The following ENTPD1 variants were observed in gnomAD, a reference collection of about 807,000 sequenced individuals.
The protein encoded by ENTPD1 is ectonucleoside triphosphate diphosphohydrolase 1, also known as ATP diphosphohydrolase.
In ENTPD1, 33 loss-of-function variants were observed where a neutral mutation model predicts 57.0. The ratio of observed to expected loss-of-function variants is 0.58; its 90% CI spans 0.44 to 0.77. The LOEUF is 0.77. Among genes scored for constraint, ENTPD1 ranks in the 30% least tolerant of loss-of-function variants. The probability of loss-of-function intolerance (pLI) is 0.00; values close to 1 mark genes in which losing one functional copy is unlikely to be tolerated. For missense variants in ENTPD1, 501 were observed against 603.4 expected (o/e 0.83, Z 1.78); for synonymous variants, 202 against 218.8 (o/e 0.92, Z 0.68).
rs1329943908 is a variant in ENTPD1, at chr10:95,756,194, G to GC, written c.-46_-45insC. On this transcript the variant is annotated 5_prime_UTR_variant, in exon 1 of 10. Transcript: ENST00000371205. ...ACGGACCACAGCAAGCAGAGGCTGG[G>GC]GGGGGGAAAGACGAGGAAAGAGGAG... The GC allele has an allele frequency of 1.9e-6, 3 of 1,580,040 alleles. No homozygotes were observed. The highest frequency in any genetic ancestry group is 2.6e-6 in the Non-Finnish European group (3 of 1,162,432).
Position 95,791,737 on chromosome 10 carries a change from G to C in ENTPD1, c.17-31500G>C, listed in dbSNP as rs1464819705. ...GTACATTAGAATCACCCGGCTGGGG[G>C]TAGAGGTGTTAAAAGTGAACAGTGC... is the stretch of plus-strand genomic sequence containing the variant. On this transcript the variant is annotated intron_variant, in intron 1 of 9. Coordinates refer to ENST00000371205, the MANE Select transcript of ENTPD1 (RefSeq NM_001776.6). The surrounding 1 kb of genome is among the most constrained non-coding windows in gnomAD (Gnocchi z 4.1). 1.1e-4 allele frequency among the ~76,000 whole-genome samples: 16 copies of C among 152,190 alleles called. No individual in the cohort carries two copies. Among genetic ancestry groups the C allele is most frequent in the Admixed American group, 1.0e-3 (16 of 15,268 alleles).
At chr10:95,863,910 TC>T (rs1406473793) in intron 8 of ENTPD1, among the ~76,000 whole-genome samples, 7 of 152,002 alleles carry the variant, frequency 4.6e-5, no homozygotes, top group Non-Finnish European at 1.5e-5. Context: ...ACTAGAGAGG[TC>T]CTGGCCTGTT....
intron 1 of ENTPD1, among the ~76,000 whole-genome samples, chr10:95,761,392 A>G (rs1363511264): frequency 6.6e-6 from 1 of 152,198 alleles, no homozygotes; most frequent in Admixed American, 6.5e-5. Flanking sequence ...ATTTCTAACA[A>G]GTTCCCAGGC....
Position 95,876,199 on chromosome 10 carries a change from T to C in ENTPD1, c.*9816T>C. On this transcript the variant is annotated 3_prime_UTR_variant, in exon 10 of 10. Transcript: ENST00000371205. ...TTGTCAGTTTTCTTAGGTATATTTA[T>C]AAATACTCCTATAAAAATGTAAAGA... 2.0e-6 allele frequency: 2 copies of C among 980,262 alleles called. No homozygotes were observed. Among genetic ancestry groups the C allele is most frequent in the Non-Finnish European group, 2.4e-6 (2 of 825,210 alleles). The allele number at this position is 980,262 out of a possible 1,614,324, so 60.7% of individuals were successfully genotyped here. A position where few individuals can be genotyped will look rare whatever the true frequency, so the allele number is the denominator to read the frequency against.
At chr10:95,839,910 G>C (rs1360069735) in intron 3 of ENTPD1, 102 bp downstream of exon 3, 1 of 1,155,330 alleles carries the variant, frequency 8.7e-7, no homozygotes. Flanking sequence ...CCCACGCATA[G>C]GAAGCCAAGT....
At chr10:95,859,613 AG>A (rs1450499523) in intron 7 of ENTPD1, among the ~76,000 whole-genome samples, 2 of 152,226 alleles carry the variant, frequency 1.3e-5, no homozygotes, top group African/African-American at 4.8e-5. Context: ...GGTAGGAAAG[AG>A]GAAAAGCACT....
intron 7 of ENTPD1, among the ~76,000 whole-genome samples, chr10:95,852,894 G>C (rs1316329769): frequency 6.6e-6 from 1 of 152,168 alleles, no homozygotes; most frequent in Non-Finnish European, 1.5e-5. Flanking sequence ...TTTTGGCTTA[G>C]GATTGACTTG....
intron 2 of ENTPD1, among the ~76,000 whole-genome samples, chr10:95,827,632 C>T (rs910362182): frequency 3.3e-5 from 5 of 152,020 alleles, no homozygotes; most frequent in Admixed American, 2.6e-4. Flanking sequence ...ACTACAGGCA[C>T]GTGCCACCAT....
chr10:95,838,136 TC>T (rs936716001), intron 2 of ENTPD1, among the ~76,000 whole-genome samples: 2 of 152,224 alleles, frequency 1.3e-5, no homozygotes, highest in African/African-American at 4.8e-5. Flanking sequence ...CCTCTATGTT[TC>T]TTCTCTAAGG....
intron 9 of ENTPD1, among the ~76,000 whole-genome samples, chr10:95,865,145 AAAGT>A (rs1324765899): frequency 6.6e-6 from 1 of 152,234 alleles, no homozygotes; most frequent in Non-Finnish European, 1.5e-5. Context: ...GAGATATATT[AAAGT>A]AACAGCATTT....
chr10:95,763,095 T>C (rs1342569459), intron 1 of ENTPD1, among the ~76,000 whole-genome samples: 3 of 152,066 alleles, frequency 2.0e-5, no homozygotes, highest in African/African-American at 7.2e-5. Flanking sequence ...TTTATTTATT[T>C]ATTTATTTTT....
chr10:95,817,936 A>G (rs559021982), intron 1 of ENTPD1, among the ~76,000 whole-genome samples: 1 of 152,340 alleles, frequency 6.6e-6, no homozygotes, highest in African/African-American at 2.4e-5. Flanking sequence ...ATAAGTAATT[A>G]TTGAGTGACC....
intron 1 of ENTPD1, among the ~76,000 whole-genome samples, chr10:95,821,996 C>A (rs1270029860): frequency 2.2e-5 from 2 of 92,916 alleles, no homozygotes; most frequent in Non-Finnish European, 4.0e-5. Context: ...TAGCTTTTGC[C>A]TTTTTTTTTT....
At chr10:95,765,189 A>C (rs991166707) in intron 1 of ENTPD1, among the ~76,000 whole-genome samples, 1 of 152,122 alleles carries the variant, frequency 6.6e-6, no homozygotes, top group South Asian at 2.1e-4. Context: ...AAAAGTTTTA[A>C]ATTTTGATGA....
At chr10:95,733,237 A>G (rs548083584) in intron 1 of ENTPD1, among the ~76,000 whole-genome samples, 32 of 152,324 alleles carry the variant, frequency 2.1e-4, no homozygotes, top group African/African-American at 7.5e-4. Context: ...TACTTTTGAA[A>G]GAAGAGAAAT....
intron 1 of ENTPD1, among the ~76,000 whole-genome samples, chr10:95,786,336 T>TGGA: frequency 6.6e-6 from 1 of 152,230 alleles, no homozygotes; most frequent in African/African-American, 2.4e-5. Context: ...TGGAAATTAG[T>TGGA]GGAGCAATAA....
At chr10:95,698,334 A>C in the ENTPD1 span, among the ~76,000 whole-genome samples, 1 of 152,234 alleles carries the variant, frequency 6.6e-6, no homozygotes, top group Non-Finnish European at 1.5e-5. Context: ...GCTGATATTC[A>C]GGAGCAAAGG....
intron 1 of ENTPD1, among the ~76,000 whole-genome samples, chr10:95,794,241 C>T (rs191593884): frequency 3.1e-4 from 47 of 151,878 alleles, no homozygotes; most frequent in Admixed American, 9.9e-4. Flanking sequence ...ATCACAGAGG[C>T]CAAAAATGTG....
intron 1 of ENTPD1, among the ~76,000 whole-genome samples, chr10:95,749,835 G>C (rs1220964085): frequency 1.3e-5 from 2 of 152,216 alleles, no homozygotes; most frequent in South Asian, 2.1e-4. Flanking sequence ...TTGAGCAAAA[G>C]AGTTCCATAA....
Sources: allele counts gnomAD v4.1 joint callset (sites outside exome capture counted in the v4.1 genomes callset), GRCh38; gene constraint gnomAD v4.1.1; non-coding constraint Gnocchi (gnomAD v3.1); transcripts MANE v1.5; gene names NCBI Gene and HGNC (gene_info 2026-07-23, HGNC 2026-07-21).